The following PTPRT variants were observed in gnomAD, a reference collection of about 807,000 sequenced individuals.
The protein encoded by PTPRT is receptor-type tyrosine-protein phosphatase T.
In PTPRT, 56 loss-of-function variants were observed where a neutral mutation model predicts 176.8. That is an observed-to-expected ratio of 0.32 (90% CI 0.26 to 0.40). PTPRT has a LOEUF of 0.40. PTPRT is among the 10% of genes least tolerant of loss of function. The pLI, the probability that PTPRT is intolerant of heterozygous loss-of-function variation, is 1.00. For synonymous variants in PTPRT, 783 were observed against 739.0 expected (o/e 1.06, Z -0.96); for missense variants, 1,540 against 1,908.2 (o/e 0.81, Z 3.60).
At chr20:42,745,927 T>A (rs778536458) in intron 6 of PTPRT, among the ~76,000 whole-genome samples, 13 of 152,158 alleles carry the variant, frequency 8.5e-5, no homozygotes, top group Non-Finnish European at 1.8e-4. Context: ...GTCAGTGAAG[T>A]GTCTGGCATG....
intron 7 of PTPRT, among the ~76,000 whole-genome samples, chr20:42,595,474 G>A (rs147165514): frequency 2.6e-5 from 4 of 152,122 alleles, no homozygotes; most frequent in African/African-American, 9.6e-5. Context: ...AATGGCCCCT[G>A]GTTAAGAACT....
intron 20 of PTPRT, among the ~76,000 whole-genome samples, chr20:42,119,013 G>GGAAA (rs1555872402): frequency 6.8e-5 from 2 of 29,212 alleles, no homozygotes; most frequent in Admixed American, 4.6e-4. Flanking sequence ...AGAAAGGAAG[G>GGAAA]AAAAAAAAAA....
chr20:43,132,524 C>T (rs1220593118), intron 1 of PTPRT, among the ~76,000 whole-genome samples: 7 of 152,202 alleles, frequency 4.6e-5, no homozygotes, highest in African/African-American at 1.4e-4. Flanking sequence ...ATACTGCAGA[C>T]GTAATCCCAA....
intron 16 of PTPRT, among the ~76,000 whole-genome samples, chr20:42,182,946 A>G (rs1411491878): frequency 1.1e-5 from 1 of 91,008 alleles, no homozygotes; most frequent in East Asian, 5.9e-4. Context: ...GTGTGTGTGT[A>G]ATCAGATTTC....
intron 1 of PTPRT, among the ~76,000 whole-genome samples, chr20:43,020,446 G>A (rs1356579405): frequency 1.3e-5 from 2 of 151,978 alleles, no homozygotes; most frequent in Admixed American, 1.3e-4. Context: ...AGGGACAATG[G>A]AATACTCACT....
intron 19 of PTPRT, among the ~76,000 whole-genome samples, chr20:42,128,403 G>A (rs549599943): frequency 1.6e-4 from 24 of 152,188 alleles, no homozygotes; most frequent in Middle Eastern, 6.8e-3. Context: ...GGTTCCCATA[G>A]CATCTAGTAT....
chr20:42,689,018 G>C (rs753247283), intron 6 of PTPRT, among the ~76,000 whole-genome samples: 23 of 152,322 alleles, frequency 1.5e-4, no homozygotes, highest in Admixed American at 2.0e-4. Flanking sequence ...CAGTTGTGTG[G>C]TATTGATACA....
intron 1 of PTPRT, among the ~76,000 whole-genome samples, chr20:42,928,019 C>T (rs1210284970): frequency 6.6e-6 from 1 of 152,218 alleles, no homozygotes; most frequent in Admixed American, 6.5e-5. Context: ...CCGTGTAGCA[C>T]AGGGCCTGCC....
At chr20:42,191,455 G>A (rs146035153) in intron 16 of PTPRT, among the ~76,000 whole-genome samples, 4 of 152,340 alleles carry the variant, frequency 2.6e-5, no homozygotes, top group African/African-American at 9.6e-5. Context: ...TCAGCCCAAT[G>A]TAGAGGGTCA....
chr20:42,382,120 T>G (rs2145636159), intron 9 of PTPRT, among the ~76,000 whole-genome samples: 1 of 152,324 alleles, frequency 6.6e-6, no homozygotes, highest in South Asian at 2.1e-4. Context: ...TGCACCCCAT[T>G]TACATTAATT....
At chr20:42,560,737 C>G (rs1167465514) in intron 7 of PTPRT, among the ~76,000 whole-genome samples, 1 of 152,166 alleles carries the variant, frequency 6.6e-6, no homozygotes, top group Non-Finnish European at 1.5e-5. Flanking sequence ...CTTTAGCAGA[C>G]TGCAAGCCTT....
intron 1 of PTPRT, among the ~76,000 whole-genome samples, chr20:43,129,374 T>A (rs903030832): frequency 6.6e-6 from 1 of 152,206 alleles, no homozygotes; most frequent in Non-Finnish European, 1.5e-5. Context: ...CACATTTAGC[T>A]ACCAGGGGCT....
intron 15 of PTPRT, among the ~76,000 whole-genome samples, chr20:42,226,661 T>G (rs895248158): frequency 2.6e-5 from 4 of 152,186 alleles, no homozygotes; most frequent in African/African-American, 9.6e-5. Flanking sequence ...TCCTTCCCAT[T>G]TGGGGGATGC....
intron 17 of PTPRT, 41 bp downstream of exon 17, chr20:42,161,311 C>A: frequency 6.2e-7 from 1 of 1,609,850 alleles, no homozygotes; most frequent in Non-Finnish European, 8.5e-7. Context: ...AAATAAGCCT[C>A]TGAAACTATC....
At chr20:42,728,772 T>A (rs1274985575) in intron 6 of PTPRT, among the ~76,000 whole-genome samples, 1 of 152,182 alleles carries the variant, frequency 6.6e-6, no homozygotes, top group African/African-American at 2.4e-5. Flanking sequence ...TCACCCTTCA[T>A]TGCAATTCTT....
rs148891400 is a variant in PTPRT at position 42,076,734 on chromosome 20, AT to A, written c.*4144del. ...CAGAACAACATGAGGAACAGAGCAC[AT>A]TTTTTTTTGAAATATTCATAGAGTC... On this transcript the variant is annotated 3_prime_UTR_variant, in exon 31 of 31. Transcript: ENST00000373187. 110 of 200,626 alleles carry A rather than the reference AT, an allele frequency of 5.5e-4. No homozygotes were observed. The highest frequency in any genetic ancestry group is 7.4e-4 in the Non-Finnish European group (72 of 97,892). 12.4% of individuals were successfully genotyped at this position (200,626 alleles called of 1,614,324 possible). A position where few individuals can be genotyped will look rare whatever the true frequency, so the allele number is the denominator to read the frequency against.
intron 2 of PTPRT, among the ~76,000 whole-genome samples, chr20:42,821,526 C>G (rs1260636026): frequency 1.3e-5 from 2 of 152,174 alleles, no homozygotes; most frequent in African/African-American, 2.4e-5. Flanking sequence ...CCTCTCACCA[C>G]TCCTATTCAA....
chr20:42,260,345 C>T (rs1482964658), intron 13 of PTPRT, among the ~76,000 whole-genome samples: 1 of 152,202 alleles, frequency 6.6e-6, no homozygotes, highest in Non-Finnish European at 1.5e-5. Context: ...TGGCTCCTTG[C>T]TTATAGAATC....
intron 6 of PTPRT, among the ~76,000 whole-genome samples, chr20:42,695,050 C>T (rs1295901823): frequency 6.6e-6 from 1 of 152,068 alleles, no homozygotes; most frequent in African/African-American, 2.4e-5. Context: ...GGTGAAATAT[C>T]TCATCATATC....
Sources: gnomAD v4.1 joint callset for allele counts (sites outside exome capture counted in the v4.1 genomes callset) on GRCh38, gnomAD v4.1.1 for gene constraint, MANE v1.5 for transcripts, NCBI Gene and HGNC (gene_info 2026-07-23, HGNC 2026-07-21) for gene names.